CDH13: variants seen among roughly 807,000 people sequenced by gnomAD.
CDH13 encodes cadherin-13.
CDH13 carries 24 observed loss-of-function variants against 63.8 expected under a neutral mutation model. The observed-to-expected ratio is 0.38, with a 90% confidence interval of 0.27 to 0.53. The LOEUF (loss-of-function observed/expected upper bound fraction) is 0.53, where lower values mean the gene tolerates loss of function less well. Among genes scored for constraint, CDH13 ranks in the 20% least tolerant of loss-of-function variants. The pLI is 0.85. For synonymous variants in CDH13, 503 were observed against 355.3 expected, an observed-to-expected ratio of 1.42 and a Z score of -4.67; for missense variants, 1,049 against 903.1, an observed-to-expected ratio of 1.16 and a Z score of -2.07.
intron 2 of CDH13, among the ~76,000 whole-genome samples, chr16:82,992,665 GCTTAA>G (rs1343766759): frequency 1.3e-5 from 2 of 152,096 alleles, no homozygotes; most frequent in African/African-American, 2.4e-5. Flanking sequence ...AAAAGCAAAT[GCTTAA>G]CTTCAATACT....
chr16:83,490,070 C>T (rs928600450), intron 7 of CDH13, among the ~76,000 whole-genome samples: 8 of 151,962 alleles, frequency 5.3e-5, no homozygotes, highest in Admixed American at 1.3e-4. Context: ...ACCTCTGGCT[C>T]TCACCTGAAT....
intron 10 of CDH13, among the ~76,000 whole-genome samples, chr16:83,679,230 A>C (rs991724427): frequency 6.6e-6 from 1 of 152,250 alleles, no homozygotes; most frequent in Non-Finnish European, 1.5e-5. Flanking sequence ...TAATGCTCAC[A>C]AATAAAAGAT....
At chr16:83,476,780 T>A (rs1158464472) in intron 6 of CDH13, among the ~76,000 whole-genome samples, 2 of 152,222 alleles carry the variant, frequency 1.3e-5, no homozygotes, top group Non-Finnish European at 2.9e-5. Flanking sequence ...TTACAATTAC[T>A]TCAGGCTAAT....
chr16:83,292,257 C>T (rs2089483462), intron 5 of CDH13, among the ~76,000 whole-genome samples: 1 of 152,204 alleles, frequency 6.6e-6, no homozygotes, highest in African/African-American at 2.4e-5. Context: ...TTCTCCTTTG[C>T]ACAGTGGGAC....
chr16:83,585,168 C>T (rs1183429223), intron 7 of CDH13, among the ~76,000 whole-genome samples: 2 of 152,280 alleles, frequency 1.3e-5, no homozygotes, highest in Non-Finnish European at 2.9e-5. Context: ...CCTAAGCTGG[C>T]GTGGGTGGCC....
intron 1 of CDH13, among the ~76,000 whole-genome samples, chr16:82,694,671 G>C (rs9972823): frequency 6.6e-6 from 1 of 151,888 alleles, no homozygotes; most frequent in Admixed American, 6.6e-5. Context: ...TCCCTTTTCT[G>C]ACAACATTCC....
chr16:82,816,912 A>T (rs755265334), intron 1 of CDH13, among the ~76,000 whole-genome samples: 1 of 151,980 alleles, frequency 6.6e-6, no homozygotes, highest in Non-Finnish European at 1.5e-5. Flanking sequence ...TGGTACCAAG[A>T]CTTTAAGGAC....
intron 1 of CDH13, among the ~76,000 whole-genome samples, chr16:82,764,352 A>G (rs756780154): frequency 2.6e-4 from 39 of 152,130 alleles, no homozygotes; most frequent in African/African-American, 7.2e-4. Flanking sequence ...TCATTTGTCT[A>G]TTTAAGTTCT....
chr16:83,276,925 G>C (rs112128985), intron 5 of CDH13, among the ~76,000 whole-genome samples: 3,963 of 152,214 alleles, frequency 0.026, 166 homozygotes, highest in African/African-American at 0.083. Flanking sequence ...CAGGCAGAGA[G>C]AGTATGTGCA....
intron 7 of CDH13, among the ~76,000 whole-genome samples, chr16:83,562,652 C>T (rs1257487426): frequency 1.3e-5 from 2 of 152,174 alleles, no homozygotes; most frequent in African/African-American, 4.8e-5. Context: ...AACCTTCATG[C>T]CACATAGGTT....
rs930220232 is a variant in CDH13, at chr16:82,721,992, T to C, written c.45+94855T>C. On this transcript the variant is annotated intron_variant, in intron 1 of 13. Coordinates refer to ENST00000567109, the MANE Select transcript of CDH13 (RefSeq NM_001257.5). ...GTTCTGTGTCCCTACCCTCTCTCAC[T>C]GACCCATAGTCGGACAGACCACACT... Among the ~76,000 whole-genome samples the C allele has an allele frequency of 2.0e-5, 3 of 152,278 alleles. No individual in the cohort carries two copies. In the East Asian group the frequency reaches 5.8e-4, roughly 29 times the overall value.
intron 6 of CDH13, among the ~76,000 whole-genome samples, chr16:83,419,155 T>C (rs549169220): frequency 1.3e-5 from 2 of 152,274 alleles, no homozygotes; most frequent in African/African-American, 2.4e-5. Flanking sequence ...GCTGCTTGCT[T>C]TTCATGAAAT....
Position 83,145,602 on chromosome 16 carries a change from G to C in CDH13, c.483+20101G>C, listed in dbSNP as rs528455055. Among the ~76,000 whole-genome samples the C allele has an allele frequency of 2.0e-5, 3 of 152,188 alleles. No individual in the cohort carries two copies. In the East Asian group the frequency reaches 5.8e-4, roughly 29 times the overall value. On this transcript the variant is annotated intron_variant, in intron 4 of 13. Transcript: ENST00000567109. ...ATTCAGGGTCCCACTTTGATATTCT[G>C]CCTTTGCACTTGTTTCATTTTTTCT...
chr16:83,197,987 T>C (rs2038923268), intron 4 of CDH13, among the ~76,000 whole-genome samples: 1 of 152,202 alleles, frequency 6.6e-6, no homozygotes, highest in African/African-American at 2.4e-5. Context: ...TCTATAATTA[T>C]TGAAAAAGTA....
intron 6 of CDH13, among the ~76,000 whole-genome samples, chr16:83,467,397 C>A (rs2073343548): frequency 6.6e-6 from 1 of 152,138 alleles, no homozygotes; most frequent in Non-Finnish European, 1.5e-5. Flanking sequence ...GTCACACATT[C>A]ATCTTCCCCA....
chr16:83,554,864 A>G (rs1041493082), intron 7 of CDH13, among the ~76,000 whole-genome samples: 3 of 151,320 alleles, frequency 2.0e-5, no homozygotes, highest in Non-Finnish European at 2.9e-5. Context: ...CCCTGCACAC[A>G]CATACAAAGT....
chr16:83,046,526 A>G (rs1256012892), intron 3 of CDH13, among the ~76,000 whole-genome samples: 1 of 152,240 alleles, frequency 6.6e-6, no homozygotes, highest in Non-Finnish European at 1.5e-5. Flanking sequence ...ACATTAAAAC[A>G]TAGGCAGGAA....
At chr16:83,671,315 C>T (rs950081933) in intron 9 of CDH13, among the ~76,000 whole-genome samples, 1 of 152,160 alleles carries the variant, frequency 6.6e-6, no homozygotes, top group African/African-American at 2.4e-5. Context: ...GTGGTGTGAT[C>T]TCAGCTCACT....
chr16:82,909,551 A>G (rs972631164), intron 2 of CDH13, among the ~76,000 whole-genome samples: 3 of 149,204 alleles, frequency 2.0e-5, no homozygotes, highest in Non-Finnish European at 4.6e-5. Flanking sequence ...ACAGTTCCAC[A>G]TGGCTGGGGA....
Sources: allele counts gnomAD v4.1 joint callset (sites outside exome capture counted in the v4.1 genomes callset), GRCh38; gene constraint gnomAD v4.1.1; transcripts MANE v1.5; gene names NCBI Gene and HGNC (gene_info 2026-07-23, HGNC 2026-07-21).